KHNYN: variants seen among roughly 807,000 people sequenced by gnomAD.
KHNYN encodes the protein protein KHNYN.
In KHNYN, 42 loss-of-function variants were observed where a neutral mutation model predicts 62.7. The ratio of observed to expected loss-of-function variants is 0.67; its 90% CI spans 0.52 to 0.87. The LOEUF (loss-of-function observed/expected upper bound fraction) is 0.87. Among genes scored for constraint, KHNYN ranks in the 40% least tolerant of loss-of-function variants. The pLI, the probability that KHNYN is intolerant of heterozygous loss-of-function variation, is 0.00. For missense variants in KHNYN, 829 were observed against 874.1 expected (o/e 0.95, Z 0.65); for synonymous variants, 347 against 345.6 (o/e 1.00, Z -0.04).
rs2043218393 is a variant in KHNYN, at chr14:24,437,126, T to C, written c.1878T>C (p.Ser626=). The change falls in exon 8 of 8, where the codon AGT becomes AGC. Residue 626 remains serine, a synonymous_variant. Transcript: ENST00000553935. This position sits in a 1 kb window ranked among gnomAD's most constrained non-coding sequence, Gnocchi z 5.5. ...AGGGGAGAGAAGAGGAAAAAGGTAG[T>C]GGTGGCATTCGGAAGACCCGGGAAA... is the stretch of plus-strand genomic sequence containing the variant. ...QQQGREEEKG[S]GGIRKTRETE... The C allele has an allele frequency of 1.2e-6, 2 of 1,613,964 alleles. No individual in the cohort carries two copies. The highest frequency in any genetic ancestry group is 2.7e-5 in the African/African-American group (2 of 74,864).
In KHNYN at chr14:24,440,892, A is replaced by G. The variant is rs764888975; in HGVS notation, c.*3607A>G. 6.2e-7 allele frequency: 1 copy of G among 1,613,904 alleles called. No homozygotes were observed. The highest frequency in any genetic ancestry group is 1.3e-5 in the African/African-American group (1 of 74,936). On this transcript the variant is annotated 3_prime_UTR_variant, in exon 8 of 8. Transcript: ENST00000553935. ...CAAAGTCCCCTCCTGGGCTGTCTTC[A>G]TCATACTCCGCAGTCAGACTGGGCT... is the stretch of plus-strand genomic sequence containing the variant.
At chr14:24,423,333 A>G in the KHNYN span, among the ~76,000 whole-genome samples, 92 of 152,136 alleles carry the variant, frequency 6.0e-4, 1 homozygote, top group African/African-American at 2.0e-3. Flanking sequence ...GAAGGGAAGG[A>G]GTGAGTAGAA....
Position 24,430,719 on chromosome 14 carries a change from G to C in KHNYN, c.-12G>C. The C allele has an allele frequency of 1.3e-6, 2 of 1,555,084 alleles. No individual in the cohort carries two copies. The highest frequency in any genetic ancestry group is 1.7e-6 in the Non-Finnish European group (2 of 1,149,112). On this transcript the variant is annotated 5_prime_UTR_variant, in exon 2 of 8. Coordinates refer to ENST00000553935, the MANE Select transcript of KHNYN (RefSeq NM_015299.3). ...GCTGCCTTCTCCCCTTCCAGGGCTG[G>C]GGGCAGCAGCCATGCCTACCTGGGG... is the stretch of plus-strand genomic sequence containing the variant.
chr14:24,432,973 G>T lies in KHNYN; in HGVS notation c.1518G>T (p.Leu506=), dbSNP rs373456843. 13 of 1,614,032 alleles carry T rather than the reference G, an allele frequency of 8.1e-6. No homozygotes were observed. In the South Asian group the frequency reaches 9.9e-5, roughly 12 times the overall value. The change falls in exon 5 of 8, where the codon CTG becomes CTT. Residue 506 remains leucine, a synonymous_variant. Coordinates refer to ENST00000553935, the MANE Select transcript of KHNYN (RefSeq NM_015299.3). This position sits in a 1 kb window ranked among gnomAD's most constrained non-coding sequence, Gnocchi z 5.6. The part of the protein sequence containing the change: ...HFLQKLYSLS[L]LSLTPSRVMD... ...TGCAAAAGCTGTATTCCCTCAGCCTGCTCTCCCTCACACCCTCACGAGTCA... is the reference window on the plus strand; with the variant it reads ...TGCAAAAGCTGTATTCCCTCAGCCTTCTCTCCCTCACACCCTCACGAGTCA...
intron 5 of KHNYN, chr14:24,434,341 C>T (rs1594756452): frequency 1.1e-5 from 11 of 984,976 alleles, no homozygotes; most frequent in Non-Finnish European, 1.3e-5. Flanking sequence ...CTGTGTAATG[C>T]GATCATAGTA....
At position 24,432,593 on chromosome 14, in the gene KHNYN, C is replaced by T. The variant is rs1209897358; in HGVS notation, c.1332C>T (p.Gly444=). Residue 444 remains glycine (G), a synonymous_variant, in exon 3 of 8, where the codon GGC becomes GGT. Coordinates refer to ENST00000553935, the MANE Select transcript of KHNYN (RefSeq NM_015299.3). The surrounding 1 kb of genome is among the most constrained non-coding windows in gnomAD (Gnocchi z 5.6). ...QPDLRHIVID[G]SNVAMVHGLQ... is the part of the protein sequence containing the mutation. Reference sequence around the variant, plus strand: ...ACCTCCGCCATATTGTCATTGACGGCAGCAACGTGGCCATGGTGTGAGTAC... The same window carrying T: ...ACCTCCGCCATATTGTCATTGACGGTAGCAACGTGGCCATGGTGTGAGTAC... 1 of 1,606,538 alleles carries T rather than the reference C, an allele frequency of 6.2e-7. No individual in the cohort carries two copies.
rs776666348 is a variant in KHNYN, at chr14:24,437,257, C to T, written c.2009C>T (p.Ser670Phe). 6.2e-7 allele frequency: 1 copy of T among 1,614,106 alleles called. No individual in the cohort carries two copies. Among genetic ancestry groups the T allele is most frequent in the Non-Finnish European group, 8.5e-7 (1 of 1,179,960 alleles). ...TACTGCCGGGACATCAACCAACTGT[C>T]TGAGGCCCTGCTCAGTCTTAACTTT... ...EPYCRDINQL[S>F]EALLSLNF Residue 670 changes from serine (S) to phenylalanine (F), a missense_variant, in exon 8 of 8, where the codon TCT becomes TTT. Transcript: ENST00000553935. The surrounding 1 kb of genome is among the most constrained non-coding windows in gnomAD (Gnocchi z 5.5).
chr14:24,434,763 T>C (rs2043180036), intron 5 of KHNYN, among the ~76,000 whole-genome samples: 1 of 152,200 alleles, frequency 6.6e-6, no homozygotes, highest in African/African-American at 2.4e-5. Flanking sequence ...GAGCCTGATA[T>C]CTGTCACACC....
rs772887554 is a variant in KHNYN, at chr14:24,440,068, C to G, written c.*2783C>G. 1.9e-6 allele frequency: 3 copies of G among 1,575,822 alleles called. No individual in the cohort carries two copies. In the African/African-American group the frequency reaches 4.0e-5, roughly 21 times the overall value. On this transcript the variant is annotated 3_prime_UTR_variant, in exon 8 of 8. Transcript: ENST00000553935. ...GCCTGTGAGGAACAGGCCTCAGGCC[C>G]TTGCCACGACCTACTTAGGCTACAA...
In KHNYN at chr14:24,440,906, T is replaced by A; in HGVS notation, c.*3621T>A. On this transcript the variant is annotated 3_prime_UTR_variant, in exon 8 of 8. Coordinates refer to ENST00000553935, the MANE Select transcript of KHNYN (RefSeq NM_015299.3). ...GGGCTGTCTTCATCATACTCCGCAGTCAGACTGGGCTGGTAGTAAGCTGCC... is the reference window on the plus strand; with the variant it reads ...GGGCTGTCTTCATCATACTCCGCAGACAGACTGGGCTGGTAGTAAGCTGCC... 6.2e-7 allele frequency: 1 copy of A among 1,614,062 alleles called. No individual in the cohort carries two copies.
intron 2 of KHNYN, 56 bp from the exon 3 acceptor site, chr14:24,431,407 G>C: frequency 7.1e-7 from 1 of 1,412,784 alleles, no homozygotes; most frequent in South Asian, 1.3e-5. Context: ...GGAGCCAGGA[G>C]GGGTGATCTG....
upstream of KHNYN, chr14:24,428,357 C>G: frequency 6.2e-7 from 1 of 1,613,856 alleles, no homozygotes; most frequent in South Asian, 1.1e-5. Flanking sequence ...ACAGGGGCTA[C>G]GAAGGAGCCA....
Position 24,441,634 on chromosome 14 carries a change from C to A in KHNYN, c.*4349C>A. The stretch of plus-strand genomic sequence containing the variant: ...TACAGAGGTCTGAGTTACCCCGTTC[C>A]CCTGGCGAATATAAGGGGCTGGTGA... On this transcript the variant is annotated 3_prime_UTR_variant, in exon 8 of 8. Transcript: ENST00000553935. 1 of 1,536,968 alleles carries A rather than the reference C, an allele frequency of 6.5e-7. No homozygotes were observed.
In KHNYN at chr14:24,440,955, G is replaced by A. The variant is rs1306748437; in HGVS notation, c.*3670G>A. 1 of 1,613,648 alleles carries A rather than the reference G, an allele frequency of 6.2e-7. No homozygotes were observed. The highest frequency in any genetic ancestry group is 2.2e-5 in the East Asian group (1 of 44,872). On this transcript the variant is annotated 3_prime_UTR_variant, in exon 8 of 8. Transcript: ENST00000553935. Reference sequence around the variant, plus strand: ...CCGGTGGAACACAATCATTTGCCCTGGGTGTCCTTGGTCCTGCCTGGCTCT... The same window carrying A: ...CCGGTGGAACACAATCATTTGCCCTAGGTGTCCTTGGTCCTGCCTGGCTCT...
chr14:24,428,781 T>G (rs779766705), upstream of KHNYN: 2 of 1,602,854 alleles, frequency 1.2e-6, no homozygotes, highest in Non-Finnish European at 1.7e-6. Flanking sequence ...GCCCCACTGG[T>G]GCCATTGCCG....
upstream of KHNYN, chr14:24,428,426 T>C (rs751771310): frequency 1.6e-5 from 25 of 1,612,898 alleles, 1 homozygote; most frequent in South Asian, 2.7e-4. Context: ...CAGAGCCTGC[T>C]GAGTGGGGCT....
Position 24,441,609 on chromosome 14 carries a change from TAC to T in KHNYN, c.*4326_*4327del. ...ACCAGTGCTCTGGTGTGTGCATAGC[TAC>T]AGAGGTCTGAGTTACCCCGTTCCCC... On this transcript the variant is annotated 3_prime_UTR_variant, in exon 8 of 8. Transcript: ENST00000553935. 7.2e-7 allele frequency: 1 copy of T among 1,394,136 alleles called. No individual in the cohort carries two copies. The highest frequency in any genetic ancestry group is 9.8e-7 in the Non-Finnish European group (1 of 1,017,210). The allele number at this position is 1,394,136 out of a possible 1,614,324, so 86.4% of individuals were successfully genotyped here.
chr14:24,427,985 AC>A (rs779475393), upstream of KHNYN: 3 of 1,612,614 alleles, frequency 1.9e-6, no homozygotes, highest in Admixed American at 5.0e-5. The surrounding 1 kb of genome is among the most constrained non-coding windows in gnomAD (Gnocchi z 4.4). Flanking sequence ...CATCAGGCTC[AC>A]CTGGGGAGGG....
chr14:24,440,569 C>A lies in KHNYN; in HGVS notation c.*3284C>A. 6.6e-7 allele frequency: 1 copy of A among 1,504,822 alleles called. No homozygotes were observed. The allele number at this position is 1,504,822 out of a possible 1,614,324, so 93.2% of individuals were successfully genotyped here. A position where few individuals can be genotyped will look rare whatever the true frequency, so the allele number is the denominator to read the frequency against. On this transcript the variant is annotated 3_prime_UTR_variant, in exon 8 of 8. Coordinates refer to ENST00000553935, the MANE Select transcript of KHNYN (RefSeq NM_015299.3). ...CCACTGCTCCTCCTGGTTTCTGTTT[C>A]CCCTTCCTCACTCTCCCCATGCTGA... is the stretch of plus-strand genomic sequence containing the variant.
Sources: allele counts gnomAD v4.1 joint callset (sites outside exome capture counted in the v4.1 genomes callset), GRCh38; gene constraint gnomAD v4.1.1; non-coding constraint Gnocchi (gnomAD v3.1); transcripts MANE v1.5; gene names NCBI Gene and HGNC (gene_info 2026-07-23, HGNC 2026-07-21).